Variants in AGPAT5 observed in about 807,000 individuals in gnomAD.
The protein encoded by AGPAT5 is 1-acyl-sn-glycerol-3-phosphate acyltransferase epsilon.
Under a neutral mutation model 45.6 loss-of-function variants are expected in AGPAT5, and 46 were observed. The ratio of observed to expected loss-of-function variants is 1.01; its 90% CI spans 0.80 to 1.29. AGPAT5 has a LOEUF of 1.29. Among genes scored for constraint, AGPAT5 ranks in the 50% most tolerant of loss-of-function variants. The probability of loss-of-function intolerance (pLI) is 0.00; values close to 1 mark genes in which losing one functional copy is unlikely to be tolerated. For synonymous variants in AGPAT5, 272 were observed against 167.0 expected (o/e 1.63, Z -4.85); for missense variants, 673 against 450.7 (o/e 1.49, Z -4.47).
In AGPAT5 at chr8:6,732,548, T is replaced by G; in HGVS notation, c.406-13T>G. 1 of 1,581,150 alleles carries G rather than the reference T, an allele frequency of 6.3e-7. No individual in the cohort carries two copies. Among genetic ancestry groups the G allele is most frequent in the South Asian group, 1.2e-5 (1 of 84,402 alleles). ...AAAAGTAAATGCTCTTTCTCCCGAT[T>G]TGATTGTGGCAGCATGGAGGAATCT... On this transcript the variant is annotated splice_polypyrimidine_tract_variant and intron_variant, in intron 3 of 7. Coordinates refer to ENST00000285518, the MANE Select transcript of AGPAT5 (RefSeq NM_018361.5).
rs147901672 is a variant in AGPAT5 at position 6,760,451 on chromosome 8, C to G, written c.*3063C>G. 2.3e-3 allele frequency among the ~76,000 whole-genome samples: 355 copies of G among 152,178 alleles called. No homozygotes were observed. The highest frequency in any genetic ancestry group is 6.1e-3 in the Admixed American group (93 of 15,276). On this transcript the variant is annotated 3_prime_UTR_variant, in exon 8 of 8. Transcript: ENST00000285518. ...ATAAAATTTGCTTATTATAGACACA[C>G]AGTAACTCCCAGATATGTACCACAA... is the stretch of plus-strand genomic sequence containing the variant.
At chr8:6,709,157 A>T (rs957662916) in intron 1 of AGPAT5, 2 of 539,816 alleles carry the variant, frequency 3.7e-6, no homozygotes, top group Non-Finnish European at 6.7e-6. Flanking sequence ...GATGCTGCTT[A>T]GCAAAGTGGG....
At chr8:6,752,357 C>T (rs138243546) in intron 6 of AGPAT5, among the ~76,000 whole-genome samples, 405 of 152,200 alleles carry the variant, frequency 2.7e-3, no homozygotes, top group African/African-American at 8.9e-3. Context: ...TGTGCCTTTA[C>T]GTATTTTTTA....
chr8:6,744,758 C>A (rs1801374066), intron 5 of AGPAT5, among the ~76,000 whole-genome samples: 1 of 152,220 alleles, frequency 6.6e-6, no homozygotes, highest in Non-Finnish European at 1.5e-5. Flanking sequence ...CTTTCCTTGG[C>A]CCTTCTGCAG....
intron 1 of AGPAT5, among the ~76,000 whole-genome samples, chr8:6,716,883 T>C (rs566861809): frequency 1.3e-5 from 2 of 152,268 alleles, no homozygotes; most frequent in South Asian, 4.1e-4. Context: ...CAGAGTACTC[T>C]AGGGAATTCT....
intron 2 of AGPAT5, among the ~76,000 whole-genome samples, chr8:6,727,568 A>T (rs1398579629): frequency 6.6e-6 from 1 of 152,036 alleles, no homozygotes; most frequent in Non-Finnish European, 1.5e-5. Flanking sequence ...TTCAGTAGAG[A>T]TGGGGTTTCA....
At chr8:6,716,507 G>C (rs1800334542) in intron 1 of AGPAT5, among the ~76,000 whole-genome samples, 1 of 151,998 alleles carries the variant, frequency 6.6e-6, no homozygotes, top group South Asian at 2.1e-4. Flanking sequence ...GCTCCAGCTT[G>C]GGCGACAGAG....
intron 6 of AGPAT5, among the ~76,000 whole-genome samples, chr8:6,748,730 C>G (rs1347148417): frequency 6.6e-6 from 1 of 152,138 alleles, no homozygotes; most frequent in African/African-American, 2.4e-5. Flanking sequence ...GTCTCAAACT[C>G]CTTACCTCAG....
intron 6 of AGPAT5, among the ~76,000 whole-genome samples, chr8:6,754,444 C>T (rs1341868965): frequency 6.6e-6 from 1 of 152,164 alleles, no homozygotes; most frequent in East Asian, 1.9e-4. Flanking sequence ...GGGGCAATTG[C>T]TCCCCCAAGT....
chr8:6,713,904 A>G (rs941173262), intron 1 of AGPAT5, among the ~76,000 whole-genome samples: 1 of 152,236 alleles, frequency 6.6e-6, no homozygotes, highest in Non-Finnish European at 1.5e-5. Context: ...TCTAGAGAAC[A>G]TTTATAACTG....
At chr8:6,709,368 T>G in intron 1 of AGPAT5, 1 of 168,848 alleles carries the variant, frequency 5.9e-6, no homozygotes, top group Non-Finnish European at 1.3e-5. Flanking sequence ...AATGAATACA[T>G]TTGTTAACCG....
At chr8:6,709,138 C>A in intron 1 of AGPAT5, 1 of 572,470 alleles carries the variant, frequency 1.7e-6, no homozygotes, top group South Asian at 2.0e-5. Flanking sequence ...CCGCCCCTCG[C>A]CTGGGTCTGA....
intron 6 of AGPAT5, among the ~76,000 whole-genome samples, chr8:6,754,248 G>A (rs1163695751): frequency 5.3e-5 from 8 of 152,164 alleles, no homozygotes; most frequent in Admixed American, 5.2e-4. Flanking sequence ...AATCGAGGCT[G>A]AAAAAGACTG....
chr8:6,735,332 C>G (rs1587034634), intron 4 of AGPAT5, among the ~76,000 whole-genome samples: 2 of 152,286 alleles, frequency 1.3e-5, no homozygotes, highest in South Asian at 4.1e-4. Context: ...TCCCACAAGC[C>G]TACATCCAGT....
chr8:6,732,010 C>CT (rs759499118), intron 3 of AGPAT5, among the ~76,000 whole-genome samples: 1 of 152,186 alleles, frequency 6.6e-6, no homozygotes, highest in Non-Finnish European at 1.5e-5. Flanking sequence ...CTCTGAGGCC[C>CT]TTTTTTAACC....
intron 7 of AGPAT5, 42 bp downstream of exon 7, chr8:6,755,216 A>G: frequency 1.9e-6 from 3 of 1,578,452 alleles, no homozygotes; most frequent in Non-Finnish European, 2.6e-6. Context: ...CTTCGGTTCA[A>G]CTAGATTTCA....
chr8:6,721,747 G>C (rs561120164), intron 1 of AGPAT5, among the ~76,000 whole-genome samples: 1 of 152,226 alleles, frequency 6.6e-6, no homozygotes, highest in Non-Finnish European at 1.5e-5. Flanking sequence ...TTGTAGGGTA[G>C]CTAGGGCTTG....
At position 6,760,699 on chromosome 8, in the gene AGPAT5, C is replaced by G. The variant is rs1802010025; in HGVS notation, c.*3311C>G. 6.6e-6 allele frequency among the ~76,000 whole-genome samples: 1 copy of G among 152,168 alleles called. No individual in the cohort carries two copies. Among genetic ancestry groups the G allele is most frequent in the South Asian group, 2.1e-4 (1 of 4,828 alleles). On this transcript the variant is annotated 3_prime_UTR_variant, in exon 8 of 8. Coordinates refer to ENST00000285518, the MANE Select transcript of AGPAT5 (RefSeq NM_018361.5). ...GCTTTATAAACAAGATTTTTTCTCCCTCCTTTTGGGCCAGTTTTCATTACG... is the reference window on the plus strand; with the variant it reads ...GCTTTATAAACAAGATTTTTTCTCCGTCCTTTTGGGCCAGTTTTCATTACG...
At chr8:6,716,724 A>C (rs763878247) in intron 1 of AGPAT5, among the ~76,000 whole-genome samples, 1 of 151,938 alleles carries the variant, frequency 6.6e-6, no homozygotes, top group Non-Finnish European at 1.5e-5. Flanking sequence ...TCTCAGCTAC[A>C]TGGGAGGCTG....
Sources: gnomAD v4.1 joint callset for allele counts (sites outside exome capture counted in the v4.1 genomes callset) on GRCh38, gnomAD v4.1.1 for gene constraint, MANE v1.5 for transcripts, NCBI Gene and HGNC (gene_info 2026-07-23, HGNC 2026-07-21) for gene names.